Variants in FBXL17 observed in about 807,000 individuals in gnomAD.
The protein encoded by FBXL17 is F-box and leucine rich repeat protein 17.
FBXL17 carries 22 observed loss-of-function variants against 66.2 expected under a neutral mutation model. The observed-to-expected ratio is 0.33, with a 90% CI of 0.24 to 0.47. The LOEUF (loss-of-function observed/expected upper bound fraction) is 0.47. Ranked by LOEUF, FBXL17 falls within the 20% of genes least tolerant of loss-of-function variation. The pLI, the probability that FBXL17 is intolerant of heterozygous loss-of-function variation, is 1.00. For missense variants in FBXL17, 878 were observed against 948.2 expected (o/e 0.93, Z 0.97); for synonymous variants, 474 against 400.5 (o/e 1.18, Z -2.19).
chr5:108,002,714 T>A (rs148155360), intron 7 of FBXL17, among the ~76,000 whole-genome samples: 215 of 152,298 alleles, frequency 1.4e-3, no homozygotes, highest in African/African-American at 5.1e-3. Context: ...GATAAAATAC[T>A]AATACATCCC....
chr5:108,323,973 C>A (rs1363073840), intron 4 of FBXL17, among the ~76,000 whole-genome samples: 1 of 151,874 alleles, frequency 6.6e-6, no homozygotes, highest in Non-Finnish European at 1.5e-5. Flanking sequence ...TGAATTAAAA[C>A]TATAAAACTC....
chr5:108,151,887 C>T (rs1160826266), intron 6 of FBXL17, among the ~76,000 whole-genome samples: 1 of 152,122 alleles, frequency 6.6e-6, no homozygotes, highest in Non-Finnish European at 1.5e-5. Context: ...ATATCAAAGG[C>T]AACAAGAATG....
chr5:108,192,608 G>A (rs575538930), intron 5 of FBXL17, among the ~76,000 whole-genome samples: 14 of 151,846 alleles, frequency 9.2e-5, no homozygotes, highest in Non-Finnish European at 1.9e-4. Flanking sequence ...CCTGACCAAC[G>A]TGGTGAAACC....
chr5:107,923,121 C>T (rs1160406576), intron 7 of FBXL17, among the ~76,000 whole-genome samples: 1 of 152,050 alleles, frequency 6.6e-6, no homozygotes. Context: ...TAGCAATGGG[C>T]ATGCCAGTAT....
intron 4 of FBXL17, among the ~76,000 whole-genome samples, chr5:108,252,526 T>C (rs1756401187): frequency 6.6e-6 from 1 of 152,170 alleles, no homozygotes; most frequent in South Asian, 2.1e-4. Flanking sequence ...CTAAAATTTC[T>C]GGAACAAACA....
At chr5:108,013,009 C>T (rs1467953393) in intron 7 of FBXL17, among the ~76,000 whole-genome samples, 8 of 107,680 alleles carry the variant, frequency 7.4e-5, no homozygotes, top group African/African-American at 2.7e-4. Context: ...AGCGAAACTC[C>T]GTCTCAAAAA....
intron 6 of FBXL17, among the ~76,000 whole-genome samples, chr5:108,111,065 G>A (rs897655129): frequency 3.3e-5 from 5 of 151,986 alleles, no homozygotes; most frequent in African/African-American, 1.2e-4. Context: ...TACAGTTCCA[G>A]CTGAGCAGCA....
At chr5:107,861,966 C>T in intron 8 of FBXL17, 106 bp from the exon 9 acceptor site, 1 of 1,228,038 alleles carries the variant, frequency 8.1e-7, no homozygotes. Flanking sequence ...ACGAAGAGCC[C>T]TCGCCTTGTT....
At chr5:108,249,471 A>G (rs183017974) in intron 4 of FBXL17, among the ~76,000 whole-genome samples, 16 of 152,306 alleles carry the variant, frequency 1.1e-4, no homozygotes, top group South Asian at 2.1e-4. Context: ...TTATAGAAAC[A>G]TATCTAATCA....
At chr5:108,208,258 T>C (rs1754213865) in intron 5 of FBXL17, among the ~76,000 whole-genome samples, 1 of 152,196 alleles carries the variant, frequency 6.6e-6, no homozygotes, top group South Asian at 2.1e-4. Flanking sequence ...TCCCATTCTG[T>C]AGGGTCTGTT....
At chr5:107,946,925 T>C (rs1751323773) in intron 7 of FBXL17, among the ~76,000 whole-genome samples, 1 of 152,178 alleles carries the variant, frequency 6.6e-6, no homozygotes, top group South Asian at 2.1e-4. Flanking sequence ...GGGTGATTTT[T>C]TTTTCATATA....
chr5:108,214,738 A>G (rs1054061691), intron 5 of FBXL17, among the ~76,000 whole-genome samples: 3 of 152,140 alleles, frequency 2.0e-5, no homozygotes, highest in African/African-American at 7.2e-5. Context: ...CAAGATCACA[A>G]AAGTTTTCTC....
chr5:108,316,563 T>A (rs547638505), intron 4 of FBXL17, among the ~76,000 whole-genome samples: 1 of 151,432 alleles, frequency 6.6e-6, no homozygotes, highest in Non-Finnish European at 1.5e-5. Context: ...ATTTTTAACA[T>A]TAAAATATCA....
intron 4 of FBXL17, among the ~76,000 whole-genome samples, chr5:108,316,866 T>G (rs1759388823): frequency 1.3e-5 from 2 of 151,226 alleles, no homozygotes; most frequent in South Asian, 4.1e-4. Context: ...GGAAACTTTG[T>G]AAGTTATTAT....
intron 4 of FBXL17, among the ~76,000 whole-genome samples, chr5:108,246,492 A>C (rs1756103362): frequency 6.6e-6 from 1 of 152,142 alleles, no homozygotes. Flanking sequence ...ACTCCACCCT[A>C]GCTGACCCTG....
chr5:108,365,017 A>T (rs752085013), intron 2 of FBXL17, 22 bp from the exon 3 acceptor site: 2 of 1,560,872 alleles, frequency 1.3e-6, no homozygotes, highest in Non-Finnish European at 1.7e-6. Context: ...AAAGCAATAA[A>T]TTTAAACTTT....
At chr5:108,061,866 T>C (rs1027830829) in intron 6 of FBXL17, among the ~76,000 whole-genome samples, 3 of 151,724 alleles carry the variant, frequency 2.0e-5, no homozygotes, top group East Asian at 1.9e-4. Context: ...CTAGGCTTCA[T>C]TTTTTGTACT....
chr5:108,286,805 C>CA (rs1218666609), intron 4 of FBXL17, among the ~76,000 whole-genome samples: 8 of 151,756 alleles, frequency 5.3e-5, no homozygotes, highest in Non-Finnish European at 1.2e-4. Flanking sequence ...GGTGTGGAAC[C>CA]AAAAAAGAGC....
chr5:107,975,342 C>T (rs1752535876), intron 7 of FBXL17, among the ~76,000 whole-genome samples: 1 of 152,080 alleles, frequency 6.6e-6, no homozygotes, highest in Non-Finnish European at 1.5e-5. Flanking sequence ...TCTTATTTTT[C>T]ATTATATAAT....
Sources: gnomAD v4.1 joint callset for allele counts (sites outside exome capture counted in the v4.1 genomes callset) on GRCh38, gnomAD v4.1.1 for gene constraint, MANE v1.5 for transcripts, NCBI Gene and HGNC (gene_info 2026-07-23, HGNC 2026-07-21) for gene names.